The following CSMD1 variants were observed in gnomAD, a reference collection of about 807,000 sequenced individuals.
CSMD1 encodes CUB and Sushi multiple domains 1.
CSMD1 carries 213 observed loss-of-function variants against 417.5 expected under a neutral mutation model. The ratio of observed to expected loss-of-function variants is 0.51; its 90% CI spans 0.46 to 0.57. CSMD1 has a LOEUF of 0.57. CSMD1 is among the 20% of genes least tolerant of loss of function. The pLI is 0.00. For synonymous variants in CSMD1, 2,862 were observed against 1,736.8 expected (o/e 1.65, Z -16.11); for missense variants, 6,923 against 4,529.7 (o/e 1.53, Z -15.17).
chr8:3,971,057 G>A (rs1243286588), intron 5 of CSMD1, among the ~76,000 whole-genome samples: 2 of 152,126 alleles, frequency 1.3e-5, no homozygotes, highest in African/African-American at 4.8e-5. Flanking sequence ...GGCCTACATG[G>A]AATCTTAATA....
intron 33 of CSMD1, among the ~76,000 whole-genome samples, chr8:3,191,741 C>T (rs1796437399): frequency 6.6e-6 from 1 of 152,140 alleles, no homozygotes; most frequent in Admixed American, 6.5e-5. Flanking sequence ...AAAAATACTT[C>T]AATTGGCAAA....
chr8:4,883,969 A>G (rs973194181), intron 1 of CSMD1, among the ~76,000 whole-genome samples: 3 of 151,942 alleles, frequency 2.0e-5, no homozygotes, highest in Non-Finnish European at 4.4e-5. Context: ...GAGCCTTCCA[A>G]TTTCTTCCAA....
intron 13 of CSMD1, among the ~76,000 whole-genome samples, chr8:3,408,870 A>G (rs565095649): frequency 1.3e-5 from 2 of 152,162 alleles, no homozygotes; most frequent in South Asian, 2.1e-4. Flanking sequence ...TTCTTATTCC[A>G]TATAATTTTG....
At chr8:3,943,586 T>A (rs1811032642) in intron 5 of CSMD1, among the ~76,000 whole-genome samples, 1 of 152,202 alleles carries the variant, frequency 6.6e-6, no homozygotes, top group African/African-American at 2.4e-5. Context: ...AAATAGTGAC[T>A]TTTCATTTGA....
chr8:4,820,638 T>C (rs1356625718), intron 1 of CSMD1, among the ~76,000 whole-genome samples: 2 of 152,110 alleles, frequency 1.3e-5, no homozygotes, highest in African/African-American at 2.4e-5. Flanking sequence ...AGTTGAAAAA[T>C]TCAGAATGAT....
intron 8 of CSMD1, among the ~76,000 whole-genome samples, chr8:3,590,925 T>TTTATATA (rs1800817962): frequency 6.6e-6 from 1 of 152,190 alleles, no homozygotes; most frequent in African/African-American, 2.4e-5. Flanking sequence ...ATAAACTAAG[T>TTTATATA]TTTCACTGAT....
intron 1 of CSMD1, among the ~76,000 whole-genome samples, chr8:4,910,068 C>A (rs4568636): frequency 2.0e-5 from 3 of 152,236 alleles, no homozygotes; most frequent in African/African-American, 7.2e-5. Flanking sequence ...CTTTCTGTAA[C>A]TCACAAAACC....
intron 12 of CSMD1, among the ~76,000 whole-genome samples, chr8:3,427,340 C>T (rs145235995): frequency 6.6e-6 from 1 of 152,132 alleles, no homozygotes; most frequent in South Asian, 2.1e-4. Flanking sequence ...TGAATCAGTA[C>T]TGATTTTTCT....
chr8:3,675,568 T>A (rs1427675183), intron 7 of CSMD1, among the ~76,000 whole-genome samples: 1 of 151,926 alleles, frequency 6.6e-6, no homozygotes, highest in Non-Finnish European at 1.5e-5. Context: ...GTGATTTGGT[T>A]TACATGCAGA....
intron 3 of CSMD1, among the ~76,000 whole-genome samples, chr8:4,275,069 T>C (rs145049050): frequency 6.6e-4 from 101 of 152,236 alleles, no homozygotes; most frequent in Non-Finnish European, 1.1e-3. Flanking sequence ...CTTCTAACAA[T>C]GAGATTAGTG....
At chr8:3,541,388 G>A (rs986062832) in intron 10 of CSMD1, among the ~76,000 whole-genome samples, 4 of 152,128 alleles carry the variant, frequency 2.6e-5, no homozygotes, top group Non-Finnish European at 5.9e-5. Flanking sequence ...GGGAGCTGGG[G>A]AGGGAGAGCA....
intron 1 of CSMD1, among the ~76,000 whole-genome samples, chr8:4,840,357 CTG>C (rs1800771375): frequency 6.6e-6 from 1 of 152,206 alleles, no homozygotes; most frequent in Admixed American, 6.5e-5. Context: ...ATGATGATAA[CTG>C]TATGAAACTA....
chr8:3,143,879 A>G (rs1818670301), intron 40 of CSMD1, among the ~76,000 whole-genome samples: 1 of 152,256 alleles, frequency 6.6e-6, no homozygotes, highest in Non-Finnish European at 1.5e-5. Flanking sequence ...TCAGGTGTCA[A>G]AGGAAAACAC....
At chr8:4,153,596 C>G (rs1038742153) in intron 3 of CSMD1, among the ~76,000 whole-genome samples, 1 of 152,208 alleles carries the variant, frequency 6.6e-6, no homozygotes, top group Non-Finnish European at 1.5e-5. Context: ...ACAGGGTGCC[C>G]TGAGATGTCC....
intron 46 of CSMD1, among the ~76,000 whole-genome samples, 191 bp downstream of exon 46, chr8:3,106,337 G>T (rs750326826): frequency 6.6e-6 from 1 of 152,096 alleles, no homozygotes; most frequent in Non-Finnish European, 1.5e-5. Flanking sequence ...GGTTGAGGCT[G>T]TGGTGAGCCA....
rs1476676818 is a variant in CSMD1 at position 4,051,888 on chromosome 8, C to CTCCTTTG, written c.416-19790_416-19789insCAAAGGA. Among the ~76,000 whole-genome samples the CTCCTTTG allele has an allele frequency of 8.9e-3, 95 of 10,702 alleles. 1 individual carries two copies. Among genetic ancestry groups the CTCCTTTG allele is most frequent in the African/African-American group, 0.028 (93 of 3,342 alleles). 7.0% of individuals were successfully genotyped at this position (10,702 alleles called of 152,430 possible). A position where few individuals can be genotyped will look rare whatever the true frequency, so the allele number is the denominator to read the frequency against. On this transcript the variant is annotated intron_variant, in intron 3 of 69. Coordinates refer to ENST00000635120, the MANE Select transcript of CSMD1 (RefSeq NM_033225.6). ...TCTTTCCTTCCTCCTTTCTTCCTTC[C>CTCCTTTG]TTCCTTCCTTCCTTCCTTCCTTCCT... is the stretch of plus-strand genomic sequence containing the variant.
At chr8:4,258,708 T>A (rs1278926592) in intron 3 of CSMD1, among the ~76,000 whole-genome samples, 1 of 151,900 alleles carries the variant, frequency 6.6e-6, no homozygotes, top group Non-Finnish European at 1.5e-5. Context: ...ACCATCACAC[T>A]GGGATGAGGG....
At chr8:3,992,696 G>A (rs539168020) in intron 5 of CSMD1, among the ~76,000 whole-genome samples, 5 of 152,168 alleles carry the variant, frequency 3.3e-5, no homozygotes, top group Non-Finnish European at 7.3e-5. Context: ...TGGAAGGATG[G>A]CTTCAGTCCA....
chr8:4,513,336 A>G (rs1231738191), intron 2 of CSMD1, among the ~76,000 whole-genome samples: 1 of 152,204 alleles, frequency 6.6e-6, no homozygotes, highest in Non-Finnish European at 1.5e-5. Flanking sequence ...CTAGTAAAAC[A>G]TAAAGCAGCA....
Sources: gnomAD v4.1 joint callset for allele counts (sites outside exome capture counted in the v4.1 genomes callset) on GRCh38, gnomAD v4.1.1 for gene constraint, MANE v1.5 for transcripts, NCBI Gene and HGNC (gene_info 2026-07-23, HGNC 2026-07-21) for gene names.